CIBAR1: variants seen among roughly 807,000 people sequenced by gnomAD.
CIBAR1 encodes the protein CBY1-interacting BAR domain-containing protein 1.
CIBAR1 carries 25 observed loss-of-function variants against 44.0 expected under a neutral mutation model. That is an observed-to-expected ratio of 0.57 (90% CI 0.41 to 0.79). CIBAR1 has a LOEUF of 0.79. CIBAR1 is among the 30% of genes least tolerant of loss of function. The pLI is 0.00. For synonymous variants in CIBAR1, 115 were observed against 119.0 expected (o/e 0.97, Z 0.22); for missense variants, 278 against 344.8 (o/e 0.81, Z 1.53).
At chr8:93,707,867 A>G (rs2130303633) in intron 4 of CIBAR1, 144 bp from the exon 5 acceptor site, 1 of 475,622 alleles carries the variant, frequency 2.1e-6, no homozygotes, top group Non-Finnish European at 3.6e-6. Flanking sequence ...GAACTGAATT[A>G]CATAAGTAAC....
rs866886590 is a variant in CIBAR1, at chr8:93,728,434, T to C, written c.*137T>C. ...CAGAAAAATAATTAAAGGAAACTTA[T>C]GCTGACCAAAAATGAAGGCTTTAAA... On this transcript the variant is annotated 3_prime_UTR_variant, in exon 9 of 9. Transcript: ENST00000518322. 1.4e-5 allele frequency: 8 copies of C among 554,608 alleles called. No individual in the cohort carries two copies. Among genetic ancestry groups the C allele is most frequent in the Non-Finnish European group, 1.9e-5 (6 of 321,710 alleles). The allele number at this position is 554,608 out of a possible 1,614,324, so 34.4% of individuals were successfully genotyped here.
In CIBAR1 at chr8:93,703,606, A is replaced by T; in HGVS notation, c.262-14A>T. Reference sequence around the variant, plus strand: ...TTAAACGTTCTAATTTAAAATTTTAATAATTTTCAATAGGTTGAAAGACTT... The same window carrying T: ...TTAAACGTTCTAATTTAAAATTTTATTAATTTTCAATAGGTTGAAAGACTT... On this transcript the variant is annotated splice_polypyrimidine_tract_variant and intron_variant, in intron 2 of 8. Transcript: ENST00000518322. 6.8e-7 allele frequency: 1 copy of T among 1,474,910 alleles called. No individual in the cohort carries two copies. The highest frequency in any genetic ancestry group is 9.2e-7 in the Non-Finnish European group (1 of 1,091,602). The allele number at this position is 1,474,910 out of a possible 1,614,324, so 91.4% of individuals were successfully genotyped here. A position where few individuals can be genotyped will look rare whatever the true frequency, so the allele number is the denominator to read the frequency against.
chr8:93,705,539 A>G (rs1810545594), intron 4 of CIBAR1: 2 of 152,820 alleles, frequency 1.3e-5, no homozygotes, highest in Admixed American at 6.5e-5. Context: ...TACTATAACA[A>G]GGTTCTTCTG....
intron 1 of CIBAR1, chr8:93,700,910 A>G: frequency 7.5e-7 from 1 of 1,331,482 alleles, no homozygotes; most frequent in Non-Finnish European, 9.5e-7. Context: ...TCGGGTCCCC[A>G]CACTGCCGCG....
chr8:93,728,147 A>G (rs987834610), intron 8 of CIBAR1, 58 bp from the exon 9 acceptor site: 1 of 1,069,900 alleles, frequency 9.3e-7, no homozygotes, highest in African/African-American at 1.7e-5. Context: ...TATACCAAGA[A>G]TGTAAAATTT....
In CIBAR1 at chr8:93,730,213, AAAC is replaced by A. The variant is rs1460646117; in HGVS notation, c.*1921_*1923del. The A allele has an allele frequency of 3.3e-5, 5 of 152,330 alleles. No homozygotes were observed. Among genetic ancestry groups the A allele is most frequent in the Admixed American group, 1.3e-4 (2 of 15,308 alleles). 9.4% of individuals were successfully genotyped at this position (152,330 alleles called of 1,614,324 possible). On this transcript the variant is annotated 3_prime_UTR_variant, in exon 9 of 9. Transcript: ENST00000518322. ...CATATAGTATCTAATACAGCTCAAT[AAAC>A]AACAGCTAATATTTACTGCAAAAAC...
At chr8:93,711,361 A>C (rs933191858) in intron 6 of CIBAR1, among the ~76,000 whole-genome samples, 5 of 152,214 alleles carry the variant, frequency 3.3e-5, no homozygotes, top group Admixed American at 2.6e-4. Flanking sequence ...TATATTATTT[A>C]TCTCTGAAAT....
Position 93,728,244 on chromosome 8 carries a change from G to C in CIBAR1, c.817G>C (p.Asp273His), listed in dbSNP as rs200926173. The C allele has an allele frequency of 2.9e-5, 47 of 1,598,890 alleles. No homozygotes were observed. In the African/African-American group the frequency reaches 5.2e-4, roughly 18 times the overall value. ...CRLRKDQQAE[D>H]DEDDELDVTE... The stretch of plus-strand genomic sequence containing the variant: ...ACTAAGAAAGGATCAACAAGCAGAA[G>C]ATGATGAGGATGACGAGTTAGATGT... The change falls in exon 9 of 9, where the codon GAT becomes CAT. Residue 273 changes from aspartate to histidine, a missense_variant. Asp to His is a moderately conservative substitution (Grantham distance 81). This residue lies in a region of CIBAR1 where 93 missense variants were observed against 108.9 expected (regional missense o/e 0.85). Transcript: ENST00000518322.
At chr8:93,702,476 G>A in intron 2 of CIBAR1, 1 of 453,726 alleles carries the variant, frequency 2.2e-6, no homozygotes. Context: ...GAATTGATTT[G>A]CATTTGTTCT....
rs1217564215 is a variant in CIBAR1 at position 93,731,160 on chromosome 8, TTAAAA to T, written c.*2867_*2871del. 2.6e-5 allele frequency: 4 copies of T among 152,168 alleles called. No individual in the cohort carries two copies. The highest frequency in any genetic ancestry group is 5.9e-5 in the Non-Finnish European group (4 of 68,032). 9.4% of individuals were successfully genotyped at this position (152,168 alleles called of 1,614,324 possible). ...GGCCAGCAGAACAAGACTCTGACTC[TTAAAA>T]TAATAAAACTACAAAGCTTATGTTT... On this transcript the variant is annotated 3_prime_UTR_variant, in exon 9 of 9. Transcript: ENST00000518322.
In CIBAR1 at chr8:93,713,967, A is replaced by G. The variant is rs529032117; in HGVS notation, c.543+4092A>G. ...TATTCTGGATCTATGGCAATCCTGTATGAATCTTAGAATCAATTTGTCAAT... is the reference window on the plus strand; with the variant it reads ...TATTCTGGATCTATGGCAATCCTGTGTGAATCTTAGAATCAATTTGTCAAT... On this transcript the variant is annotated intron_variant, in intron 6 of 8. Coordinates refer to ENST00000518322, the MANE Select transcript of CIBAR1 (RefSeq NM_145269.5). 8.5e-5 allele frequency among the ~76,000 whole-genome samples: 13 copies of G among 152,326 alleles called. No homozygotes were observed. In the South Asian group the frequency reaches 1.2e-3, roughly 15 times the overall value.
Position 93,701,516 on chromosome 8 carries a change from G to A in CIBAR1, c.261+58G>A. 3 of 1,444,978 alleles carry A rather than the reference G, an allele frequency of 2.1e-6. No individual in the cohort carries two copies. In the South Asian group the frequency reaches 3.7e-5, roughly 18 times the overall value. The allele number at this position is 1,444,978 out of a possible 1,614,324, so 89.5% of individuals were successfully genotyped here. A position where few individuals can be genotyped will look rare whatever the true frequency, so the allele number is the denominator to read the frequency against. ...AATGAGCCATGAAGTAGTGGATGAA[G>A]GAACCGTGGAAACTTTCACTTGTAA... On this transcript the variant is annotated intron_variant, in intron 2 of 8. Coordinates refer to ENST00000518322, the MANE Select transcript of CIBAR1 (RefSeq NM_145269.5).
chr8:93,715,009 T>C (rs1810985610), intron 6 of CIBAR1, among the ~76,000 whole-genome samples: 1 of 152,340 alleles, frequency 6.6e-6, no homozygotes, highest in Middle Eastern at 3.4e-3. Context: ...CAGAAATGAT[T>C]GGCAGTAGTG....
Position 93,713,900 on chromosome 8 carries a change from G to T in CIBAR1, c.543+4025G>T, listed in dbSNP as rs1810931316. On this transcript the variant is annotated intron_variant, in intron 6 of 8. Coordinates refer to ENST00000518322, the MANE Select transcript of CIBAR1 (RefSeq NM_145269.5). ...ATGGTATGTTTTTAAATCAGGTAATGTGAGTCTTTGTACTTTCTTCTTTTT... is the reference window on the plus strand; with the variant it reads ...ATGGTATGTTTTTAAATCAGGTAATTTGAGTCTTTGTACTTTCTTCTTTTT... 3.3e-5 allele frequency among the ~76,000 whole-genome samples: 5 copies of T among 152,144 alleles called. No individual in the cohort carries two copies. The South Asian group carries it at 1.0e-3, about 31-fold the overall frequency.
chr8:93,700,715 A>G, intron 1 of CIBAR1, 42 bp downstream of exon 1: 1 of 1,476,490 alleles, frequency 6.8e-7, no homozygotes. Flanking sequence ...CCCACACTGG[A>G]GGGCTGGGGT....
chr8:93,723,287 T>C (rs1326673197), intron 7 of CIBAR1, among the ~76,000 whole-genome samples: 7 of 152,196 alleles, frequency 4.6e-5, no homozygotes, highest in Admixed American at 6.5e-5. Flanking sequence ...TGAGCCACGG[T>C]GCCCGGCCCA....
Position 93,728,309 on chromosome 8 carries a change from C to T in CIBAR1, c.*12C>T, listed in dbSNP as rs757406471. On this transcript the variant is annotated 3_prime_UTR_variant, in exon 9 of 9. Coordinates refer to ENST00000518322, the MANE Select transcript of CIBAR1 (RefSeq NM_145269.5). ...ATTTTCTTAAGTAAACTACACATTT[C>T]CATTTTCATCATAAATGACTTGAAA... The T allele has an allele frequency of 2.0e-6, 3 of 1,494,476 alleles. No homozygotes were observed. In the East Asian group the frequency reaches 7.0e-5, roughly 35 times the overall value. The allele number at this position is 1,494,476 out of a possible 1,614,324, so 92.6% of individuals were successfully genotyped here.
chr8:93,731,392 A>G lies in CIBAR1; in HGVS notation c.*3095A>G, dbSNP rs1251506576. ...ATACAATCTTTGCTCAATTAAAAAT[A>G]TCATTTCTACTTTCTTCATTGTGCT... On this transcript the variant is annotated 3_prime_UTR_variant, in exon 9 of 9. Coordinates refer to ENST00000518322, the MANE Select transcript of CIBAR1 (RefSeq NM_145269.5). The G allele has an allele frequency of 6.6e-6, 1 of 152,250 alleles. No individual in the cohort carries two copies. Among genetic ancestry groups the G allele is most frequent in the African/African-American group, 2.4e-5 (1 of 41,464 alleles). The allele number at this position is 152,250 out of a possible 1,614,324, so 9.4% of individuals were successfully genotyped here. A position where few individuals can be genotyped will look rare whatever the true frequency, so the allele number is the denominator to read the frequency against.
intron 4 of CIBAR1, chr8:93,705,961 GAA>G (rs960509264): frequency 2.7e-5 from 4 of 150,306 alleles, no homozygotes; most frequent in Admixed American, 6.6e-5. Context: ...AAAAAAAAAA[GAA>G]AAAGAGAAAG....
Sources: allele counts gnomAD v4.1 joint callset (sites outside exome capture counted in the v4.1 genomes callset), GRCh38; gene constraint gnomAD v4.1.1; regional missense constraint gnomAD v4.1.1; transcripts MANE v1.5; gene names NCBI Gene and HGNC (gene_info 2026-07-23, HGNC 2026-07-21).